CAMTA1: variants seen among roughly 807,000 people sequenced by gnomAD.
CAMTA1 encodes the protein calmodulin binding transcription activator 1, also known as calmodulin-binding transcription activator 1.
CAMTA1 carries 27 observed loss-of-function variants against 170.9 expected under a neutral mutation model. The ratio of observed to expected loss-of-function variants is 0.16; its 90% CI spans 0.12 to 0.22. The LOEUF is 0.22. CAMTA1 is among the 10% of genes least tolerant of loss of function. The pLI is 1.00. For synonymous variants in CAMTA1, 833 were observed against 891.5 expected (o/e 0.93, Z 1.17); for missense variants, 1,619 against 2,217.2 (o/e 0.73, Z 5.42).
At chr1:7,508,637 T>TGAGGGAAGGAGG in intron 6 of CAMTA1, among the ~76,000 whole-genome samples, 1 of 150,000 alleles carries the variant, frequency 6.7e-6, no homozygotes, top group African/African-American at 2.5e-5. Context: ...AGTCAGTGAA[T>TGAGGGAAGGAGG]GAGGGAAGGA....
In CAMTA1 at chr1:6,965,183, G is replaced by A. The variant is rs1014189172; in HGVS notation, c.235-126121G>A. The stretch of plus-strand genomic sequence containing the variant: ...CACTTCGGGAAAAGTAGTGAGTGTG[G>A]TATGAGCATGAGTGTGTGTGTATGA... On this transcript the variant is annotated intron_variant, in intron 3 of 22. Coordinates refer to ENST00000303635, the MANE Select transcript of CAMTA1 (RefSeq NM_015215.4). The surrounding 1 kb of genome is among the most constrained non-coding windows in gnomAD (Gnocchi z 4.1). Among the ~76,000 whole-genome samples, 2 of 152,164 alleles carry A rather than the reference G, an allele frequency of 1.3e-5. No homozygotes were observed. Among genetic ancestry groups the A allele is most frequent in the African/African-American group, 4.8e-5 (2 of 41,436 alleles).
At chr1:7,497,152 C>T (rs1399249846) in intron 6 of CAMTA1, among the ~76,000 whole-genome samples, 1 of 152,196 alleles carries the variant, frequency 6.6e-6, no homozygotes, top group Non-Finnish European at 1.5e-5. Context: ...CGCTGAATGG[C>T]TTCTGTCAGA....
At position 7,664,089 on chromosome 1, in the gene CAMTA1, C is replaced by T; in HGVS notation, c.1542C>T (p.His514=). The part of the protein sequence containing the change: ...KAEMVSSNIR[H]SPPGERSFSF... ...AGATGGTCAGCTCCAACATCCGGCA[C>T]TCGCCACCCGGGGAGCGGAGCTTCA... The change falls in exon 9 of 23, where the codon CAC becomes CAT. Residue 514 remains histidine (H), a synonymous_variant. Transcript: ENST00000303635. The T allele has an allele frequency of 6.2e-7, 1 of 1,613,634 alleles. No individual in the cohort carries two copies. The highest frequency in any genetic ancestry group is 8.5e-7 in the Non-Finnish European group (1 of 1,180,048).
At chr1:7,314,651 A>G (rs777697779) in intron 5 of CAMTA1, among the ~76,000 whole-genome samples, 14 of 152,368 alleles carry the variant, frequency 9.2e-5, no homozygotes, top group Non-Finnish European at 2.1e-4. Flanking sequence ...GAACAAGAGC[A>G]GAGCTTTTAA....
In CAMTA1 at chr1:7,541,696, C is replaced by G. The variant is rs182581506; in HGVS notation, c.510+73795C>G. 9.6e-4 allele frequency among the ~76,000 whole-genome samples: 146 copies of G among 152,326 alleles called. 1 individual carries two copies. The East Asian group carries it at 0.012, about 13-fold the overall frequency. ...ACAGAAGTTACACGGGCGCGTTCCC[C>G]CAAACCCCCACTGCAGCCTTTGGTT... On this transcript the variant is annotated intron_variant, in intron 6 of 22. Coordinates refer to ENST00000303635, the MANE Select transcript of CAMTA1 (RefSeq NM_015215.4).
At chr1:7,403,965 T>A (rs2090107688) in intron 5 of CAMTA1, among the ~76,000 whole-genome samples, 1 of 152,200 alleles carries the variant, frequency 6.6e-6, no homozygotes, top group Non-Finnish European at 1.5e-5. Context: ...GGATCCTACC[T>A]GCCTAGAGTG....
At chr1:7,115,529 G>C (rs796118774) in intron 4 of CAMTA1, among the ~76,000 whole-genome samples, 1 of 116,630 alleles carries the variant, frequency 8.6e-6, no homozygotes, top group African/African-American at 3.6e-5. Flanking sequence ...GTGTTCCAGT[G>C]TGAGTCCGAA....
chr1:7,446,181 G>GAAA (rs59283865), intron 5 of CAMTA1, among the ~76,000 whole-genome samples: 6 of 128,280 alleles, frequency 4.7e-5, no homozygotes, highest in African/African-American at 1.1e-4. Context: ...ACTCTGCTGT[G>GAAA]AAAAAAAAAA....
intron 4 of CAMTA1, among the ~76,000 whole-genome samples, chr1:7,179,493 A>G (rs1253549879): frequency 6.6e-6 from 1 of 152,242 alleles, no homozygotes; most frequent in Non-Finnish European, 1.5e-5. Flanking sequence ...ACAAACAGTT[A>G]TATATTAGCT....
chr1:7,175,583 G>C (rs1471968945), intron 4 of CAMTA1, among the ~76,000 whole-genome samples: 1 of 152,252 alleles, frequency 6.6e-6, no homozygotes, highest in Non-Finnish European at 1.5e-5. Context: ...GGAATTGCGT[G>C]GGGGGCTGCA....
intron 6 of CAMTA1, among the ~76,000 whole-genome samples, chr1:7,550,544 C>T (rs2094785120): frequency 6.6e-6 from 1 of 151,638 alleles, no homozygotes; most frequent in Non-Finnish European, 1.5e-5. Context: ...CATAATCCCT[C>T]CCACCTGGGC....
intron 4 of CAMTA1, among the ~76,000 whole-genome samples, chr1:7,121,726 C>T (rs902967847): frequency 5.3e-5 from 8 of 152,294 alleles, no homozygotes; most frequent in East Asian, 1.9e-4. Flanking sequence ...GGAGCTGGCA[C>T]GGCGAGTTCT....
chr1:7,718,730 G>A (rs796492642), intron 11 of CAMTA1, among the ~76,000 whole-genome samples: 6 of 151,228 alleles, frequency 4.0e-5, no homozygotes, highest in African/African-American at 1.5e-4. Flanking sequence ...GCTAATTTTT[G>A]TGTTTTTAGT....
chr1:7,353,962 G>C (rs530102589), intron 5 of CAMTA1, among the ~76,000 whole-genome samples: 1 of 151,914 alleles, frequency 6.6e-6, no homozygotes, highest in Non-Finnish European at 1.5e-5. Context: ...CTTTGTGACC[G>C]TGTGTACTCA....
At chr1:7,265,210 CTGGAAA>C (rs1168406581) in intron 5 of CAMTA1, among the ~76,000 whole-genome samples, 1 of 152,240 alleles carries the variant, frequency 6.6e-6, no homozygotes. Flanking sequence ...GTGGTGAGTC[CTGGAAA>C]TGTGGCTCAT....
At chr1:7,268,234 A>G (rs141591697) in intron 5 of CAMTA1, among the ~76,000 whole-genome samples, 4 of 147,978 alleles carry the variant, frequency 2.7e-5, no homozygotes, top group Admixed American at 6.8e-5. Context: ...AATGGAATCC[A>G]TAGGGTAGAG....
intron 3 of CAMTA1, among the ~76,000 whole-genome samples, chr1:6,931,054 G>A (rs993856865): frequency 6.6e-6 from 1 of 152,160 alleles, no homozygotes; most frequent in Non-Finnish European, 1.5e-5. Context: ...AGATGCCTCG[G>A]TCTGGTTAGA....
Position 6,811,859 on chromosome 1 carries a change from C to G in CAMTA1, c.46-8322C>G, listed in dbSNP as rs1179973438. ...TTTTCTTGGCGTCCACCTCATTGCTCTGTTACGAGAAACAGTGTCATTCTC... is the reference window on the plus strand; with the variant it reads ...TTTTCTTGGCGTCCACCTCATTGCTGTGTTACGAGAAACAGTGTCATTCTC... On this transcript the variant is annotated intron_variant, in intron 1 of 22. Coordinates refer to ENST00000303635, the MANE Select transcript of CAMTA1 (RefSeq NM_015215.4). Among the ~76,000 whole-genome samples the G allele has an allele frequency of 1.6e-4, 25 of 152,208 alleles. 1 individual carries two copies. The highest frequency in any genetic ancestry group is 1.6e-3 in the Admixed American group (24 of 15,286).
chr1:7,415,983 T>C (rs1575194257), intron 5 of CAMTA1, among the ~76,000 whole-genome samples: 2 of 152,334 alleles, frequency 1.3e-5, no homozygotes, highest in African/African-American at 4.8e-5. Context: ...AGCGTTTGCT[T>C]GTCTGTAAAG....
Sources: gnomAD v4.1 joint callset for allele counts (sites outside exome capture counted in the v4.1 genomes callset) on GRCh38, gnomAD v4.1.1 for gene constraint, Gnocchi (gnomAD v3.1) non-coding constraint, MANE v1.5 for transcripts, NCBI Gene and HGNC (gene_info 2026-07-23, HGNC 2026-07-21) for gene names.